The following ENOX2 variants were observed in gnomAD, a reference collection of about 807,000 sequenced individuals.
ENOX2 encodes APK1 antigen.
A neutral mutation model predicts 45.0 loss-of-function variants in ENOX2; 36 were observed. The ratio of observed to expected loss-of-function variants is 0.80; its 90% CI spans 0.61 to 1.06. The LOEUF (loss-of-function observed/expected upper bound fraction) is 1.06. ENOX2 is among the 50% of genes least tolerant of loss of function. The probability of loss-of-function intolerance (pLI) is 0.00; values close to 1 mark genes in which losing one functional copy is unlikely to be tolerated. For missense variants in ENOX2, 423 were observed against 462.5 expected (o/e 0.91, Z 0.78); for synonymous variants, 174 against 152.3 (o/e 1.14, Z -1.05).
intron 3 of ENOX2, among the ~76,000 whole-genome samples, chrX:130,779,122 G>A (rs1032232664): frequency 5.3e-5 from 6 of 112,337 alleles, no homozygotes; most frequent in South Asian, 3.6e-4. Flanking sequence ...TTTGAGAAAC[G>A]AACTTGGCAT....
At chrX:130,653,789 G>T (rs753165166) in intron 10 of ENOX2, among the ~76,000 whole-genome samples, 34 of 112,435 alleles carry the variant, frequency 3.0e-4, no homozygotes, top group Middle Eastern at 9.1e-3. Flanking sequence ...GGAAATAATG[G>T]AAAATAAGAG....
At chrX:130,673,354 G>T (rs2037040623) in intron 6 of ENOX2, among the ~76,000 whole-genome samples, 1 of 110,273 alleles carries the variant, frequency 9.1e-6, no homozygotes, top group Non-Finnish European at 1.9e-5. Flanking sequence ...TGAAAATTCT[G>T]AAACGACAAA....
intron 11 of ENOX2, among the ~76,000 whole-genome samples, chrX:130,636,281 A>G (rs2035929970): frequency 8.9e-6 from 1 of 112,811 alleles, no homozygotes; most frequent in Non-Finnish European, 1.9e-5. Context: ...TATTAATGTC[A>G]TATTACTTGT....
chrX:130,766,874 A>T (rs919180277), intron 3 of ENOX2, among the ~76,000 whole-genome samples: 15 of 111,936 alleles, frequency 1.3e-4, no homozygotes, highest in African/African-American at 4.5e-4. Context: ...GGTAGGTGCT[A>T]TTTTCTCCAT....
chrX:130,627,302 C>T (rs755320317), intron 14 of ENOX2, among the ~76,000 whole-genome samples: 57 of 111,828 alleles, frequency 5.1e-4, no homozygotes, highest in South Asian at 1.5e-3. Context: ...TTGATGGGGC[C>T]GGGTACGGTG....
intron 3 of ENOX2, among the ~76,000 whole-genome samples, chrX:130,771,489 C>T (rs192481253): frequency 6.0e-4 from 67 of 111,071 alleles, no homozygotes; most frequent in Non-Finnish European, 1.0e-3. Context: ...TAGTTTTTTT[C>T]GTTTCTAGGC....
chrX:130,801,746 T>C (rs527908669), intron 2 of ENOX2, among the ~76,000 whole-genome samples: 1 of 112,156 alleles, frequency 8.9e-6, no homozygotes, highest in East Asian at 2.8e-4. Flanking sequence ...TCAAATGTTT[T>C]CAAGTTATCA....
intron 4 of ENOX2, among the ~76,000 whole-genome samples, chrX:130,694,187 T>C (rs989665678): frequency 8.9e-6 from 1 of 112,387 alleles, no homozygotes; most frequent in Non-Finnish European, 1.9e-5. Flanking sequence ...GTTTGTTATA[T>C]AGCAATAGAT....
intron 2 of ENOX2, among the ~76,000 whole-genome samples, chrX:130,822,068 A>G (rs2077625693): frequency 2.2e-5 from 2 of 89,687 alleles, no homozygotes; most frequent in Non-Finnish European, 4.4e-5. Flanking sequence ...ACTCCGTCTC[A>G]AAAAAAAAAA....
rs1041019910 is a variant in ENOX2, at chrX:130,709,148, C to T, written c.-38-5894G>A. On this transcript the variant is annotated intron_variant, in intron 3 of 14. Coordinates refer to ENST00000394363, the MANE Select transcript of ENOX2 (RefSeq NM_006375.4). ...CACAAACCTCATTTACTTCTGCACC[C>T]TTTACTGTGACTAGCTCAAAGTAGG... The T allele has an allele frequency of 4.2e-5, 32 of 760,353 alleles. No homozygotes were observed. Among genetic ancestry groups the T allele is most frequent in the Admixed American group, 6.8e-5 (3 of 44,148 alleles). 62.7% of individuals were successfully genotyped at this position (760,353 alleles called of 1,213,427 possible). A position where few individuals can be genotyped will look rare whatever the true frequency, so the allele number is the denominator to read the frequency against.
intron 2 of ENOX2, among the ~76,000 whole-genome samples, chrX:130,839,312 C>A (rs2077975844): frequency 9.0e-6 from 1 of 111,408 alleles, no homozygotes; most frequent in Non-Finnish European, 1.9e-5. Context: ...AGTCATTTAA[C>A]CTATTTGGAT....
chrX:130,846,310 TG>T (rs1266525051), intron 2 of ENOX2, among the ~76,000 whole-genome samples: 2 of 111,270 alleles, frequency 1.8e-5, no homozygotes, highest in Non-Finnish European at 3.8e-5. Flanking sequence ...AGTGCTTATG[TG>T]TATTACAGAA....
chrX:130,795,923 G>A (rs763066881), intron 2 of ENOX2, among the ~76,000 whole-genome samples: 1 of 110,767 alleles, frequency 9.0e-6, no homozygotes, highest in Non-Finnish European at 1.9e-5. Context: ...CTCCACAGGA[G>A]TACACAGAGC....
chrX:130,634,701 A>G (rs1326311010), intron 12 of ENOX2, among the ~76,000 whole-genome samples: 1 of 111,351 alleles, frequency 9.0e-6, no homozygotes, highest in Non-Finnish European at 1.9e-5. Context: ...AGAGGTGTGC[A>G]CTCTGGTCGT....
At chrX:130,864,820 C>G (rs922698168) in intron 2 of ENOX2, among the ~76,000 whole-genome samples, 3 of 111,712 alleles carry the variant, frequency 2.7e-5, no homozygotes, top group African/African-American at 9.8e-5. Flanking sequence ...TTGAGACCAG[C>G]CTGGCCAACA....
chrX:130,722,682 G>A (rs1043608221), intron 3 of ENOX2, among the ~76,000 whole-genome samples: 1 of 112,116 alleles, frequency 8.9e-6, no homozygotes, highest in Admixed American at 9.4e-5. Flanking sequence ...CTAACCTAGA[G>A]TCCATAGCCT....
chrX:130,805,979 G>A (rs1469484331), intron 2 of ENOX2, among the ~76,000 whole-genome samples: 1 of 112,110 alleles, frequency 8.9e-6, no homozygotes, highest in Non-Finnish European at 1.9e-5. Context: ...CTCAACTGCA[G>A]TGGTATGCTC....
rs771866081 is a variant in ENOX2 at position 130,727,413 on chromosome X, G to A, written c.-38-24159C>T. ...CTCATACCATTCTTGAGTTGTGGGT[G>A]TGATTATCTCCAATTACAGTTGAAG... is the stretch of plus-strand genomic sequence containing the variant. On this transcript the variant is annotated intron_variant, in intron 3 of 14. Coordinates refer to ENST00000394363, the MANE Select transcript of ENOX2 (RefSeq NM_006375.4). Among the ~76,000 whole-genome samples, 5 of 111,958 alleles carry A rather than the reference G, an allele frequency of 4.5e-5. No individual in the cohort carries two copies. In the South Asian group the frequency reaches 1.9e-3, roughly 42 times the overall value.
intron 7 of ENOX2, among the ~76,000 whole-genome samples, chrX:130,668,488 C>T (rs367757047): frequency 1.8e-5 from 2 of 111,911 alleles, no homozygotes; most frequent in African/African-American, 6.5e-5. Context: ...TAGATTTCTG[C>T]AGCTAGTTAG....
Sources: allele counts gnomAD v4.1 joint callset (sites outside exome capture counted in the v4.1 genomes callset), GRCh38; gene constraint gnomAD v4.1.1; transcripts MANE v1.5; gene names NCBI Gene and HGNC (gene_info 2026-07-23, HGNC 2026-07-21).